The following AKAP9 variants were observed in gnomAD, a reference collection of about 807,000 sequenced individuals.
The protein encoded by AKAP9 is A-kinase anchor protein 9.
AKAP9 carries 311 observed loss-of-function variants against 488.5 expected under a neutral mutation model. The observed-to-expected ratio is 0.64, with a 90% CI of 0.58 to 0.70. The LOEUF is 0.70. AKAP9 is among the 30% of genes least tolerant of loss of function. AKAP9 has a pLI of 0.00. For synonymous variants in AKAP9, 1,462 were observed against 1,483.5 expected (o/e 0.99, Z 0.33); for missense variants, 4,215 against 4,374.5 (o/e 0.96, Z 1.03).
intron 1 of AKAP9, among the ~76,000 whole-genome samples, chr7:91,947,178 G>A (rs1791556367): frequency 8.0e-5 from 2 of 25,070 alleles, no homozygotes; most frequent in East Asian, 5.3e-3. Context: ...GTGTGTGCGT[G>A]TGTGTGTGTG....
intron 41 of AKAP9, 42 bp from the exon 42 acceptor site, chr7:92,097,544 C>T (rs1816828498): frequency 6.3e-7 from 1 of 1,584,642 alleles, no homozygotes; most frequent in South Asian, 1.1e-5. Flanking sequence ...ATATGCTGTT[C>T]ACTTATAATT....
At chr7:92,017,364 A>T (rs933255558) in intron 12 of AKAP9, among the ~76,000 whole-genome samples, 2 of 152,110 alleles carry the variant, frequency 1.3e-5, no homozygotes, top group African/African-American at 4.8e-5. Context: ...GTGTGAAACA[A>T]TTGCATTTAA....
intron 33 of AKAP9, 187 bp downstream of exon 33, chr7:92,083,842 T>C: frequency 1.6e-6 from 1 of 611,898 alleles, no homozygotes; most frequent in Admixed American, 3.0e-5. Flanking sequence ...TTTTCTTTTG[T>C]TATACTTTAA....
chr7:92,076,648 A>G (rs545515514), intron 28 of AKAP9, among the ~76,000 whole-genome samples: 51 of 152,208 alleles, frequency 3.4e-4, no homozygotes, highest in Non-Finnish European at 4.4e-5. Flanking sequence ...TTTGTGTAGG[A>G]TAGTTTAAGG....
chr7:92,071,093 T>G (rs2130844338), intron 28 of AKAP9, 84 bp downstream of exon 28: 1 of 1,333,052 alleles, frequency 7.5e-7, no homozygotes, highest in Non-Finnish European at 1.1e-6. Flanking sequence ...GAACTGAATG[T>G]AGTTTATGAT....
intron 4 of AKAP9, among the ~76,000 whole-genome samples, chr7:91,992,678 A>AAAC (rs1562946581): frequency 1.2e-4 from 17 of 143,706 alleles, no homozygotes; most frequent in South Asian, 2.2e-4. Flanking sequence ...AAAAAAAAAA[A>AAAC]AAAAAAACTC....
At position 92,093,145 on chromosome 7, in the gene AKAP9, T is replaced by C. The variant is rs745431052; in HGVS notation, c.9407T>C (p.Met3136Thr). ...CAGAAGCAGTCTCAAATGCTGGAGA[T>C]GCAAGTGGAGCTCAGCAGTATGAAA... is the stretch of plus-strand genomic sequence containing the variant. The part of the protein sequence containing the change: ...IQQKQSQMLE[M>T]QVELSSMKDR... Residue 3136 changes from methionine (M) to threonine (T), a missense_variant, in exon 39 of 50, where the codon ATG (methionine) becomes ACG (threonine). Around this residue, in one of 5 missense-constraint regions of AKAP9, gnomAD observed 1,476 missense variants for 1,477.4 expected, o/e 1.00. Transcript: ENST00000356239. The C allele has an allele frequency of 6.2e-6, 10 of 1,614,204 alleles. No homozygotes were observed. The highest frequency in any genetic ancestry group is 8.5e-6 in the Non-Finnish European group (10 of 1,180,032).
intron 41 of AKAP9, 69 bp from the exon 42 acceptor site, chr7:92,097,517 C>T (rs1431499314): frequency 1.9e-6 from 3 of 1,550,222 alleles, no homozygotes; most frequent in Non-Finnish European, 2.7e-6. Context: ...AATTGTGTTC[C>T]CTTAAGATAG....
At chr7:92,090,715 A>G (rs1410287046) in intron 38 of AKAP9, 3 of 151,886 alleles carry the variant, frequency 2.0e-5, no homozygotes, top group Non-Finnish European at 2.9e-5. Flanking sequence ...GGTTGTTTCT[A>G]CTTTTTAGCT....
chr7:92,086,148 T>C (rs1814519203), intron 36 of AKAP9, 80 bp from the exon 37 acceptor site: 1 of 1,192,674 alleles, frequency 8.4e-7, no homozygotes, highest in African/African-American at 1.6e-5. Flanking sequence ...TAATTATTTT[T>C]CTTTGTAGAT....
At chr7:92,050,107 CAGGCGGGAGTGCAG>C (rs1807702650) in intron 21 of AKAP9, among the ~76,000 whole-genome samples, 1 of 150,774 alleles carries the variant, frequency 6.6e-6, no homozygotes, top group South Asian at 2.1e-4. Flanking sequence ...CTCTATCGCC[CAGGCGGGAGTGCAG>C]TAGTGCAATC....
At chr7:91,981,603 C>CTTT (rs532220900) in intron 3 of AKAP9, among the ~76,000 whole-genome samples, 4 of 106,634 alleles carry the variant, frequency 3.8e-5, no homozygotes, top group Admixed American at 1.1e-4. Flanking sequence ...TCTTGTATTT[C>CTTT]TTTTTTTTTT....
At chr7:91,964,160 T>C (rs1794124372) in intron 1 of AKAP9, among the ~76,000 whole-genome samples, 1 of 152,204 alleles carries the variant, frequency 6.6e-6, no homozygotes, top group Non-Finnish European at 1.5e-5. Flanking sequence ...AGTTCTCAGT[T>C]ATATTCTTCC....
intron 24 of AKAP9, among the ~76,000 whole-genome samples, chr7:92,064,327 C>T (rs570531817): frequency 5.5e-4 from 84 of 151,776 alleles, no homozygotes; most frequent in African/African-American, 2.0e-3. Flanking sequence ...GTTAAAGACC[C>T]TAGGGATATG....
rs1389361567 is a variant in AKAP9, at chr7:92,097,580, T to C, written c.10399-6T>C. 1 of 1,612,910 alleles carries C rather than the reference T, an allele frequency of 6.2e-7. No individual in the cohort carries two copies. The highest frequency in any genetic ancestry group is 1.1e-5 in the South Asian group (1 of 90,974). The stretch of plus-strand genomic sequence containing the variant: ...ATTGTTTTCTTATTCTGTCCAAAAT[T>C]GCCAGCCAACCACGTGGAGCTTAAC... On this transcript the variant is annotated splice_polypyrimidine_tract_variant and splice_region_variant and intron_variant, in intron 41 of 49. Transcript: ENST00000356239.
At chr7:92,026,454 C>G (rs1803157193) in intron 14 of AKAP9, among the ~76,000 whole-genome samples, 1 of 152,122 alleles carries the variant, frequency 6.6e-6, no homozygotes, top group African/African-American at 2.4e-5. Context: ...CCTGCCTCGG[C>G]CTGCCTAGTG....
intron 38 of AKAP9, 101 bp downstream of exon 38, chr7:92,089,630 C>T (rs1376170910): frequency 7.8e-7 from 1 of 1,277,704 alleles, no homozygotes; most frequent in Admixed American, 2.0e-5. Flanking sequence ...TTTTCTTGGT[C>T]ACATTTTCTT....
At chr7:92,055,454 AAG>A (rs1486973382) in intron 22 of AKAP9, among the ~76,000 whole-genome samples, 1 of 152,074 alleles carries the variant, frequency 6.6e-6, no homozygotes, top group African/African-American at 2.4e-5. Context: ...CAAAGTCCAA[AAG>A]AGAGCAACAA....
intron 5 of AKAP9, 87 bp from the exon 6 acceptor site, chr7:91,994,534 T>G: frequency 9.4e-7 from 1 of 1,066,578 alleles, no homozygotes; most frequent in Admixed American, 2.3e-5. Context: ...ATTATGCCAA[T>G]GTGTTTTGAA....
Sources: allele counts gnomAD v4.1 joint callset (sites outside exome capture counted in the v4.1 genomes callset), GRCh38; gene constraint gnomAD v4.1.1; regional missense constraint gnomAD v4.1.1; transcripts MANE v1.5; gene names NCBI Gene and HGNC (gene_info 2026-07-23, HGNC 2026-07-21).